UTRN: variants seen among roughly 807,000 people sequenced by gnomAD.
The protein encoded by UTRN is dystrophin-related protein 1.
In UTRN, 283 loss-of-function variants were observed where a neutral mutation model predicts 463.9. That is an observed-to-expected ratio of 0.61 (90% confidence interval 0.55 to 0.67). UTRN has a LOEUF of 0.67. UTRN is among the 30% of genes least tolerant of loss of function. UTRN has a pLI of 0.00. For synonymous variants in UTRN, 1,442 were observed against 1,431.5 expected, an observed-to-expected ratio of 1.01 and a Z score of -0.17; for missense variants, 3,922 against 4,084.3, an observed-to-expected ratio of 0.96 and a Z score of 1.08.
At chr6:144,844,165 A>G (rs893916124) in intron 73 of UTRN, among the ~76,000 whole-genome samples, 4 of 152,162 alleles carry the variant, frequency 2.6e-5, no homozygotes, top group African/African-American at 9.7e-5. Flanking sequence ...ATTGATACAT[A>G]TTTTCATATT....
At chr6:144,437,244 A>G (rs1482909387) in intron 10 of UTRN, among the ~76,000 whole-genome samples, 1 of 152,148 alleles carries the variant, frequency 6.6e-6, no homozygotes, top group African/African-American at 2.4e-5. Flanking sequence ...GTGAGCCACC[A>G]CACCCAGCCT....
intron 2 of UTRN, among the ~76,000 whole-genome samples, chr6:144,401,737 C>T (rs996667065): frequency 6.6e-6 from 1 of 152,052 alleles, no homozygotes. Context: ...ACAAACTCTC[C>T]TTCCACAAGG....
chr6:144,443,748 A>C (rs1425257928), intron 13 of UTRN, among the ~76,000 whole-genome samples: 1 of 152,120 alleles, frequency 6.6e-6, no homozygotes, highest in African/African-American at 2.4e-5. Flanking sequence ...AAACAGAACA[A>C]ATCATTTGAT....
chr6:144,618,253 TCTC>T (rs1329105793), intron 51 of UTRN, among the ~76,000 whole-genome samples: 1 of 152,180 alleles, frequency 6.6e-6, no homozygotes, highest in Non-Finnish European at 1.5e-5. Context: ...AGGTTTTACC[TCTC>T]CTCTACAATG....
At chr6:144,637,009 C>A (rs1170681086) in intron 51 of UTRN, among the ~76,000 whole-genome samples, 1 of 152,146 alleles carries the variant, frequency 6.6e-6, no homozygotes, top group Non-Finnish European at 1.5e-5. Context: ...TTCATTGACA[C>A]CCAGCCTGAA....
intron 48 of UTRN, among the ~76,000 whole-genome samples, chr6:144,554,036 G>A (rs934445760): frequency 5.3e-5 from 8 of 152,090 alleles, no homozygotes; most frequent in African/African-American, 1.9e-4. Flanking sequence ...GTGATAATGA[G>A]TGAAAGGAAT....
chr6:144,401,468 T>C (rs953863429), intron 2 of UTRN, among the ~76,000 whole-genome samples: 15 of 152,200 alleles, frequency 9.9e-5, no homozygotes, highest in Non-Finnish European at 1.8e-4. Context: ...GGTTAATAAA[T>C]GGCTTATGTG....
At chr6:144,348,408 G>C (rs1777791911) in intron 2 of UTRN, among the ~76,000 whole-genome samples, 1 of 152,200 alleles carries the variant, frequency 6.6e-6, no homozygotes, top group Admixed American at 6.5e-5. Flanking sequence ...GTTAGGGATT[G>C]CCAGACCCAC....
intron 54 of UTRN, among the ~76,000 whole-genome samples, chr6:144,739,452 A>G (rs953250298): frequency 2.0e-5 from 3 of 152,234 alleles, no homozygotes; most frequent in Non-Finnish European, 4.4e-5. Flanking sequence ...AGGACAAATT[A>G]CACATTAGTT....
chr6:144,690,074 G>T (rs7768069), intron 52 of UTRN, among the ~76,000 whole-genome samples: 1,115 of 31,000 alleles, frequency 0.036, 140 homozygotes, highest in African/African-American at 0.08. Flanking sequence ...AAAAGTTTCT[G>T]TTTTTTTTTT....
chr6:144,771,920 A>G lies in UTRN; in HGVS notation c.8509A>G (p.Thr2837Ala), dbSNP rs939877779. Residue 2837 changes from threonine (T) to alanine (A), a missense_variant, in exon 59 of 75, where the codon ACC (threonine) becomes GCC (alanine). Around this residue, in one of 3 missense-constraint regions of UTRN, gnomAD observed 1,309 missense variants for 1,452.6 expected, o/e 0.90. Transcript: ENST00000367545. The stretch of plus-strand genomic sequence containing the variant: ...TTTTTTTTCCAGCCATCAAACACAG[A>G]CCACCTGTTGGGACCATCCTAAAAT... ...VPYYINHQTQ[T>A]TCWDHPKMTE... 1 of 1,589,428 alleles carries G rather than the reference A, an allele frequency of 6.3e-7. No homozygotes were observed. The highest frequency in any genetic ancestry group is 8.5e-7 in the Non-Finnish European group (1 of 1,171,492).
At position 144,458,880 on chromosome 6, in the gene UTRN, G is replaced by T. The variant is rs759774376; in HGVS notation, c.2395G>T (p.Asp799Tyr). Reference sequence around the variant, plus strand: ...AGAAAGAAAGATTCAGCTACAGGAAGATATAAATGCTTATTTCAAGCAGCT... The same window carrying T: ...AGAAAGAAAGATTCAGCTACAGGAATATATAAATGCTTATTTCAAGCAGCT... ...DLERKIQLQE[D>Y]INAYFKQLDE... Residue 799 changes from aspartate to tyrosine, a missense_variant, in exon 20 of 75, where the codon GAT becomes TAT. Transcript: ENST00000367545. 1.2e-6 allele frequency: 2 copies of T among 1,613,920 alleles called. No homozygotes were observed. Among genetic ancestry groups the T allele is most frequent in the East Asian group, 4.5e-5 (2 of 44,872 alleles).
At chr6:144,481,428 C>A (rs11969787) in intron 26 of UTRN, among the ~76,000 whole-genome samples, 2,166 of 152,288 alleles carry the variant, frequency 0.014, 33 homozygotes, top group African/African-American at 0.033. Flanking sequence ...CATTGAAATG[C>A]TATTAATTAG....
At chr6:144,402,732 T>G (rs1320924995) in intron 2 of UTRN, among the ~76,000 whole-genome samples, 1 of 152,180 alleles carries the variant, frequency 6.6e-6, no homozygotes, top group Admixed American at 6.5e-5. Context: ...TTAATTTTTG[T>G]TTTTAGCATG....
chr6:144,735,620 T>A (rs1242512363), intron 54 of UTRN, among the ~76,000 whole-genome samples: 1 of 152,174 alleles, frequency 6.6e-6, no homozygotes, highest in East Asian at 1.9e-4. Flanking sequence ...ACTTGTCTCA[T>A]CTTATCCAAT....
intron 54 of UTRN, among the ~76,000 whole-genome samples, chr6:144,740,784 A>T (rs1311696989): frequency 6.6e-6 from 1 of 152,212 alleles, no homozygotes; most frequent in Non-Finnish European, 1.5e-5. Flanking sequence ...TAGTAATAAA[A>T]TCTCATTTAA....
chr6:144,409,142 T>C (rs1338045113), intron 3 of UTRN, among the ~76,000 whole-genome samples: 3 of 152,250 alleles, frequency 2.0e-5, no homozygotes. Context: ...AGCTTCCAGA[T>C]ACTTTGGCTA....
chr6:144,680,697 G>C (rs996081523), intron 52 of UTRN, among the ~76,000 whole-genome samples: 1 of 152,124 alleles, frequency 6.6e-6, no homozygotes, highest in African/African-American at 2.4e-5. Flanking sequence ...CACTTCAGAT[G>C]ATCAAAGAAG....
intron 52 of UTRN, among the ~76,000 whole-genome samples, chr6:144,682,907 G>A (rs1782357622): frequency 6.6e-6 from 1 of 152,006 alleles, no homozygotes; most frequent in Non-Finnish European, 1.5e-5. Flanking sequence ...TTACCTCTTT[G>A]TTTGGCACTA....
Sources: gnomAD v4.1 joint callset for allele counts (sites outside exome capture counted in the v4.1 genomes callset) on GRCh38, gnomAD v4.1.1 for gene constraint, gnomAD v4.1.1 regional missense constraint, MANE v1.5 for transcripts, NCBI Gene and HGNC (gene_info 2026-07-23, HGNC 2026-07-21) for gene names.